The following NRXN3 variants were observed in gnomAD, a reference collection of about 807,000 sequenced individuals.
NRXN3 encodes the protein neurexin III.
In NRXN3, 32 loss-of-function variants were observed where a neutral mutation model predicts 137.6. The ratio of observed to expected loss-of-function variants is 0.23; its 90% CI spans 0.18 to 0.31. The LOEUF is 0.31. NRXN3 is among the 10% of genes least tolerant of loss of function. NRXN3 has a pLI of 1.00. For synonymous variants in NRXN3, 798 were observed against 784.5 expected (o/e 1.02, Z -0.29); for missense variants, 1,574 against 2,062.5 (o/e 0.76, Z 4.59).
chr14:78,361,512 T>G (rs1267260631), intron 4 of NRXN3, among the ~76,000 whole-genome samples: 1 of 152,228 alleles, frequency 6.6e-6, no homozygotes, highest in Non-Finnish European at 1.5e-5. Flanking sequence ...ATCTCTCCTG[T>G]AGTTAATTTC....
intron 15 of NRXN3, chr14:79,279,251 C>T (rs907354308): frequency 4.4e-6 from 3 of 689,384 alleles, no homozygotes; most frequent in South Asian, 6.5e-5. Context: ...TTCCGGGTCG[C>T]TCTGGCCCCT....
intron 10 of NRXN3, among the ~76,000 whole-genome samples, chr14:78,821,983 T>C (rs215511): frequency 6.6e-6 from 1 of 152,090 alleles, no homozygotes; most frequent in Non-Finnish European, 1.5e-5. Context: ...CATGACTTTG[T>C]TTATCCATCC....
chr14:78,371,810 T>C (rs1445243278), intron 4 of NRXN3, among the ~76,000 whole-genome samples: 1 of 152,250 alleles, frequency 6.6e-6, no homozygotes, highest in African/African-American at 2.4e-5. Flanking sequence ...AAGGGAACTA[T>C]TCTGTCTCAT....
intron 19 of NRXN3, among the ~76,000 whole-genome samples, chr14:79,781,046 T>G (rs981893076): frequency 7.6e-6 from 1 of 131,438 alleles, no homozygotes; most frequent in African/African-American, 2.6e-5. Flanking sequence ...AAGGTAATTT[T>G]TTTTTTTAAA....
rs769156933 is a variant in NRXN3 at position 78,966,403 on chromosome 14, A to G, written c.2774A>G (p.Lys925Arg). Residue 925 changes from lysine to arginine, a missense_variant, in exon 12 of 21, where the codon AAG (lysine) becomes AGG (arginine). Physicochemically the swap from Lys to Arg is conservative, Grantham distance 26 (BLOSUM62 2). This residue lies in a region of NRXN3 where 718 missense variants were observed against 887.6 expected (regional missense o/e 0.81). Transcript: ENST00000335750. ...GACTTCATTGCAGTCGAGCTTGTCA[A>G]GGGGTAAGTAGAAGGGATCACGACT... is the stretch of plus-strand genomic sequence containing the variant. ...GNDFIAVELV[K>R]GYIHYVFDLG... is the part of the protein sequence containing the mutation. 6 of 1,611,534 alleles carry G rather than the reference A, an allele frequency of 3.7e-6. No individual in the cohort carries two copies. In the South Asian group the frequency reaches 6.6e-5, roughly 18 times the overall value.
intron 16 of NRXN3, among the ~76,000 whole-genome samples, chr14:79,575,059 A>G (rs1477292401): frequency 1.3e-5 from 2 of 152,132 alleles, no homozygotes; most frequent in African/African-American, 4.8e-5. Flanking sequence ...AGGATCTTAT[A>G]CTTTTCCAGA....
intron 15 of NRXN3, among the ~76,000 whole-genome samples, chr14:79,150,760 A>G (rs1245254940): frequency 2.0e-5 from 3 of 152,112 alleles, no homozygotes; most frequent in Non-Finnish European, 4.4e-5. Flanking sequence ...ACACCAGAAT[A>G]AACTCCAAGA....
chr14:79,857,325 C>G (rs1214999596), intron 20 of NRXN3, among the ~76,000 whole-genome samples: 1 of 152,086 alleles, frequency 6.6e-6, no homozygotes, highest in Non-Finnish European at 1.5e-5. Context: ...AGGTTCACGC[C>G]ATTCTCCTGC....
At chr14:79,064,316 T>G (rs1429813501) in intron 15 of NRXN3, among the ~76,000 whole-genome samples, 1 of 152,006 alleles carries the variant, frequency 6.6e-6, no homozygotes, top group Non-Finnish European at 1.5e-5. Context: ...TTTTTTTCAG[T>G]GTTGTTCACG....
chr14:79,668,574 T>G (rs976145311), intron 17 of NRXN3, among the ~76,000 whole-genome samples: 1 of 152,158 alleles, frequency 6.6e-6, no homozygotes, highest in Non-Finnish European at 1.5e-5. Context: ...ATTTTATTAA[T>G]AATGACAGTA....
chr14:78,233,473 TATAG>T (rs2065737052), intron 1 of NRXN3, among the ~76,000 whole-genome samples: 1 of 152,160 alleles, frequency 6.6e-6, no homozygotes, highest in Non-Finnish European at 1.5e-5. Context: ...GTATTCCATG[TATAG>T]ACCTACTTAG....
intron 4 of NRXN3, among the ~76,000 whole-genome samples, chr14:78,404,600 C>T (rs1369846618): frequency 6.6e-6 from 1 of 152,124 alleles, no homozygotes; most frequent in African/African-American, 2.4e-5. Context: ...ATCATAATGT[C>T]ACCCTGGAGA....
chr14:78,488,789 A>G (rs80048399), intron 4 of NRXN3, among the ~76,000 whole-genome samples: 1 of 143,534 alleles, frequency 7.0e-6, no homozygotes, highest in Non-Finnish European at 1.5e-5. Context: ...GGGGAGGGGG[A>G]GGAGAAGGGA....
At chr14:79,763,140 G>GTTAGT (rs1268774126) in intron 19 of NRXN3, among the ~76,000 whole-genome samples, 1 of 151,172 alleles carries the variant, frequency 6.6e-6, no homozygotes, top group African/African-American at 2.5e-5. Flanking sequence ...CTGTTCCTGT[G>GTTAGT]TTAGTTTGCT....
chr14:78,693,989 C>T (rs558203266), intron 6 of NRXN3, among the ~76,000 whole-genome samples: 5 of 151,994 alleles, frequency 3.3e-5, no homozygotes, highest in African/African-American at 7.2e-5. Flanking sequence ...TCTTGCCATC[C>T]GTGCTATTTC....
chr14:79,206,122 T>C (rs1355790404), intron 15 of NRXN3, among the ~76,000 whole-genome samples: 1 of 152,198 alleles, frequency 6.6e-6, no homozygotes, highest in African/African-American at 2.4e-5. Context: ...TATCAATACA[T>C]AATAATTTCA....
chr14:78,645,464 G>A (rs2097677143), intron 5 of NRXN3, 43 bp downstream of exon 5: 1 of 1,499,354 alleles, frequency 6.7e-7, no homozygotes, highest in African/African-American at 1.4e-5. Context: ...CTCATCTTAG[G>A]TGGCTGGGTA....
At chr14:79,328,408 C>G (rs2091221094) in intron 15 of NRXN3, among the ~76,000 whole-genome samples, 1 of 152,138 alleles carries the variant, frequency 6.6e-6, no homozygotes. Flanking sequence ...CAGACATTAA[C>G]AAAACATTTT....
intron 17 of NRXN3, among the ~76,000 whole-genome samples, chr14:79,682,456 C>A (rs1454590874): frequency 6.6e-6 from 1 of 152,124 alleles, no homozygotes; most frequent in Non-Finnish European, 1.5e-5. Flanking sequence ...ATTCTTGTAC[C>A]ACATTTTAAT....
Sources: gnomAD v4.1 joint callset for allele counts (sites outside exome capture counted in the v4.1 genomes callset) on GRCh38, gnomAD v4.1.1 for gene constraint, gnomAD v4.1.1 regional missense constraint, MANE v1.5 for transcripts, NCBI Gene and HGNC (gene_info 2026-07-23, HGNC 2026-07-21) for gene names.